The following VAT1L variants were observed in gnomAD, a reference collection of about 807,000 sequenced individuals.
The protein encoded by VAT1L is putative NADPH-dependent quinone oxidoreductase VAT1L.
In VAT1L, 34 loss-of-function variants were observed where a neutral mutation model predicts 44.1. That is an observed-to-expected ratio of 0.77 (90% CI 0.59 to 1.03). The LOEUF (loss-of-function observed/expected upper bound fraction) is 1.03. VAT1L is among the 50% of genes least tolerant of loss of function. VAT1L has a pLI of 0.00. For missense variants in VAT1L, 615 were observed against 538.8 expected (o/e 1.14, Z -1.40); for synonymous variants, 253 against 202.2 (o/e 1.25, Z -2.13).
rs2016364415 is a variant in VAT1L, at chr16:77,816,842, GAAAGA to G, written c.234-70_234-66del. 2.7e-6 allele frequency: 4 copies of G among 1,476,660 alleles called. No homozygotes were observed. In the East Asian group the frequency reaches 9.5e-5, roughly 35 times the overall value. The allele number at this position is 1,476,660 out of a possible 1,614,324, so 91.5% of individuals were successfully genotyped here. ...GAGGGAGGAAAGGAGGAAAAGAAAA[GAAAGA>G]AAAGAAAACCAGGTCGGTGCTTTCT... On this transcript the variant is annotated intron_variant, in intron 1 of 8. Coordinates refer to ENST00000302536, the MANE Select transcript of VAT1L (RefSeq NM_020927.3).
At chr16:77,842,729 C>A (rs2145261011) in intron 3 of VAT1L, among the ~76,000 whole-genome samples, 1 of 152,304 alleles carries the variant, frequency 6.6e-6, no homozygotes, top group Non-Finnish European at 1.5e-5. Flanking sequence ...CCTCTGCTCT[C>A]TCTACTCCCA....
chr16:77,922,715 T>C (rs185142027), intron 7 of VAT1L, among the ~76,000 whole-genome samples: 5 of 152,328 alleles, frequency 3.3e-5, no homozygotes, highest in African/African-American at 4.8e-5. Context: ...AAATTCCCTT[T>C]AAGCTTGCAC....
At chr16:77,977,081 C>A (rs1338883161) in intron 8 of VAT1L, among the ~76,000 whole-genome samples, 1 of 152,202 alleles carries the variant, frequency 6.6e-6, no homozygotes, top group African/African-American at 2.4e-5. Flanking sequence ...TGGGCACCTG[C>A]CCCTCTCTGC....
At chr16:77,882,060 G>T (rs1357912542) in intron 6 of VAT1L, 1 of 152,192 alleles carries the variant, frequency 6.6e-6, no homozygotes, top group Admixed American at 6.5e-5. Flanking sequence ...AGAACGCTTT[G>T]TACCTGGAGG....
rs1381663651 is a variant in VAT1L at position 77,788,753 on chromosome 16, C to G, written c.71C>G (p.Pro24Arg). ...ATCGAGAAGGAGGCAGGCAAGGAGC[C>G]GGCGGAGGGCGGCGGCGGCGACGGC... ...QMIEKEAGKE[P>R]AEGGGGDGSH... Residue 24 changes from proline (P) to arginine (R), a missense_variant, in exon 1 of 9, where the codon CCG (proline) becomes CGG (arginine). Transcript: ENST00000302536. 6.4e-7 allele frequency: 1 copy of G among 1,560,528 alleles called. No homozygotes were observed. Among genetic ancestry groups the G allele is most frequent in the East Asian group, 2.4e-5 (1 of 42,408 alleles).
chr16:77,968,080 A>AAG (rs2018241869), intron 7 of VAT1L, among the ~76,000 whole-genome samples: 1 of 152,162 alleles, frequency 6.6e-6, no homozygotes, highest in East Asian at 1.9e-4. Context: ...GTGAGATAAG[A>AAG]ATATATTATC....
rs35017686 is a variant in VAT1L, at chr16:77,975,194, CTTTTTTTTTTT to C, written c.1162-2379_1162-2369del. Among the ~76,000 whole-genome samples the C allele has an allele frequency of 1.0e-3, 40 of 39,862 alleles. 1 individual carries two copies. Among genetic ancestry groups the C allele is most frequent in the East Asian group, 5.1e-3 (5 of 990 alleles). The allele number at this position is 39,862 out of a possible 152,430, so 26.2% of individuals were successfully genotyped here. On this transcript the variant is annotated intron_variant, in intron 8 of 8. Coordinates refer to ENST00000302536, the MANE Select transcript of VAT1L (RefSeq NM_020927.3). Reference sequence around the variant, plus strand: ...GTGCTTTCTCCTACTGGAATGACCACTTTTTTTTTTTTTTTTTTTTTTTTTTTTTTTTTTAA... The same window carrying C: ...GTGCTTTCTCCTACTGGAATGACCACTTTTTTTTTTTTTTTTTTTTTTTAA...
chr16:77,835,173 A>G (rs970642373), intron 3 of VAT1L, among the ~76,000 whole-genome samples: 12 of 152,168 alleles, frequency 7.9e-5, no homozygotes, highest in Middle Eastern at 3.2e-3. Context: ...AAGCTGTCAC[A>G]AGCCAATTTT....
At chr16:77,876,294 A>G in intron 4 of VAT1L, 76 bp from the exon 5 acceptor site, 1 of 1,302,098 alleles carries the variant, frequency 7.7e-7, no homozygotes. Flanking sequence ...AGACAATATG[A>G]CACAGGAAAG....
Position 77,853,129 on chromosome 16 carries a change from A to G in VAT1L, c.580-9619A>G, listed in dbSNP as rs538216685. 4.6e-5 allele frequency among the ~76,000 whole-genome samples: 7 copies of G among 152,292 alleles called. No homozygotes were observed. The South Asian group carries it at 8.3e-4, about 18-fold the overall frequency. On this transcript the variant is annotated intron_variant, in intron 3 of 8. Transcript: ENST00000302536. ...GGTTTAAATTGTCATCTTCCCAGTCACTTGCTGGAGCAGAGCTGTGACAGG... is the reference window on the plus strand; with the variant it reads ...GGTTTAAATTGTCATCTTCCCAGTCGCTTGCTGGAGCAGAGCTGTGACAGG...
At chr16:77,896,106 G>A (rs2017321524) in intron 7 of VAT1L, among the ~76,000 whole-genome samples, 1 of 152,172 alleles carries the variant, frequency 6.6e-6, no homozygotes, top group South Asian at 2.1e-4. Context: ...AGGAATTCCC[G>A]CCAACCGCCG....
chr16:77,898,135 A>G (rs748041546), intron 7 of VAT1L, among the ~76,000 whole-genome samples: 16 of 152,282 alleles, frequency 1.1e-4, no homozygotes, highest in Non-Finnish European at 2.2e-4. Flanking sequence ...CATCTTCACA[A>G]GGCATTCCCT....
At chr16:77,967,005 A>G (rs1250918016) in intron 7 of VAT1L, among the ~76,000 whole-genome samples, 1 of 150,552 alleles carries the variant, frequency 6.6e-6, no homozygotes, top group Non-Finnish European at 1.5e-5. Flanking sequence ...CCCACGTGCT[A>G]CTGAGCTTTC....
At chr16:77,924,260 T>G (rs750296503) in intron 7 of VAT1L, among the ~76,000 whole-genome samples, 8 of 152,142 alleles carry the variant, frequency 5.3e-5, no homozygotes, top group Non-Finnish European at 7.4e-5. Flanking sequence ...TCCTCATGAC[T>G]GCAGGCAGGA....
intron 3 of VAT1L, among the ~76,000 whole-genome samples, chr16:77,841,980 C>T (rs536483832): frequency 2.7e-4 from 41 of 152,134 alleles, no homozygotes; most frequent in African/African-American, 8.7e-4. Context: ...CTCCACCTCC[C>T]GGGTTCACGC....
At chr16:77,866,400 C>T (rs1480597120) in intron 4 of VAT1L, among the ~76,000 whole-genome samples, 1 of 151,914 alleles carries the variant, frequency 6.6e-6, no homozygotes, top group African/African-American at 2.4e-5. Context: ...AAAAAATGCC[C>T]ATGGTAGCAC....
Position 77,884,561 on chromosome 16 carries a change from A to C in VAT1L, c.883-47A>C, listed in dbSNP as rs1273884222. The C allele has an allele frequency of 6.3e-7, 1 of 1,577,368 alleles. No individual in the cohort carries two copies. The highest frequency in any genetic ancestry group is 1.8e-5 in the Admixed American group (1 of 56,556). ...TCAGCAATGCTGCCAATGTAGGCTT[A>C]ACCCCGGTATTGAGTTCCTATAACC... On this transcript the variant is annotated intron_variant, in intron 6 of 8. Transcript: ENST00000302536. This position sits in a 1 kb window ranked among gnomAD's most constrained non-coding sequence, Gnocchi z 4.5.
In VAT1L at chr16:77,925,372, G is replaced by C. The variant is rs563702099; in HGVS notation, c.1077+40570G>C. ...AATTTGATCCCAGCTTTACCAAATA[G>C]TCACTAATTTCACCTCGATCAAGTG... On this transcript the variant is annotated intron_variant, in intron 7 of 8. Coordinates refer to ENST00000302536, the MANE Select transcript of VAT1L (RefSeq NM_020927.3). 2.0e-5 allele frequency among the ~76,000 whole-genome samples: 3 copies of C among 152,230 alleles called. No homozygotes were observed. The East Asian group carries it at 5.8e-4, about 29-fold the overall frequency.
intron 7 of VAT1L, among the ~76,000 whole-genome samples, chr16:77,933,910 T>A (rs1010051528): frequency 6.6e-6 from 1 of 152,188 alleles, no homozygotes; most frequent in African/African-American, 2.4e-5. Flanking sequence ...CAATCGGGAA[T>A]CTGGAAAATT....
Sources: allele counts gnomAD v4.1 joint callset (sites outside exome capture counted in the v4.1 genomes callset), GRCh38; gene constraint gnomAD v4.1.1; non-coding constraint Gnocchi (gnomAD v3.1); transcripts MANE v1.5; gene names NCBI Gene and HGNC (gene_info 2026-07-23, HGNC 2026-07-21).